NEBL: variants seen among roughly 807,000 people sequenced by gnomAD.
NEBL encodes nebulette.
Under a neutral mutation model 140.2 loss-of-function variants are expected in NEBL, and 122 were observed. The ratio of observed to expected loss-of-function variants is 0.87; its 90% CI spans 0.75 to 1.01. NEBL has a LOEUF of 1.01. Among genes scored for constraint, NEBL ranks in the 50% least tolerant of loss-of-function variants. NEBL has a pLI of 0.00. For missense variants in NEBL, 1,365 were observed against 1,231.3 expected (o/e 1.11, Z -1.62); for synonymous variants, 436 against 398.9 (o/e 1.09, Z -1.11).
intron 4 of NEBL, among the ~76,000 whole-genome samples, chr10:20,948,942 C>A (rs1835308187): frequency 6.6e-6 from 1 of 152,182 alleles, no homozygotes; most frequent in Admixed American, 6.5e-5. Context: ...CTTTCACTAG[C>A]TCTGTCCTCA....
In NEBL at chr10:20,823,257, T is replaced by G; in HGVS notation, c.1913A>C (p.Asp638Ala). 1 of 1,609,926 alleles carries G rather than the reference T, an allele frequency of 6.2e-7. No individual in the cohort carries two copies. Among genetic ancestry groups the G allele is most frequent in the African/African-American group, 1.3e-5 (1 of 74,970 alleles). Reference sequence around the variant, plus strand: ...TTTAACTCTCTTTAGTTCTGGAGGATCAGAAATGGCTGTTGCATGTTTAAT... The same window carrying G: ...TTTAACTCTCTTTAGTTCTGGAGGAGCAGAAATGGCTGTTGCATGTTTAAT... The part of the protein sequence containing the change: ...EEIKHATAIS[D>A]PPELKRVKEN... Residue 638 changes from aspartate to alanine, a missense_variant, in exon 19 of 28, where the codon GAT (aspartate) becomes GCT (alanine). Coordinates refer to ENST00000377122, the MANE Select transcript of NEBL (RefSeq NM_006393.3).
chr10:20,854,069 C>T (rs1025378635), intron 9 of NEBL, among the ~76,000 whole-genome samples: 2 of 152,060 alleles, frequency 1.3e-5, no homozygotes, highest in Non-Finnish European at 2.9e-5. Context: ...ATAATTATTT[C>T]ATGATTTCTA....
chr10:21,015,078 A>G (rs1838500019), intron 3 of NEBL, among the ~76,000 whole-genome samples: 1 of 152,178 alleles, frequency 6.6e-6, no homozygotes, highest in African/African-American at 2.4e-5. Context: ...AATCCCTCTT[A>G]TTTTCAACAT....
chr10:21,171,245 G>A (rs543477469), intron 2 of NEBL, among the ~76,000 whole-genome samples: 1 of 150,324 alleles, frequency 6.7e-6, no homozygotes, highest in South Asian at 2.1e-4. Flanking sequence ...TGAGGCAGAA[G>A]AATCGCTTGA....
chr10:21,258,819 C>T (rs1188110367), intron 1 of NEBL, among the ~76,000 whole-genome samples: 1 of 152,150 alleles, frequency 6.6e-6, no homozygotes, highest in African/African-American at 2.4e-5. Flanking sequence ...GCAGAGGTTG[C>T]AATGAGCCGA....
intron 2 of NEBL, chr10:21,146,653 G>A: frequency 1.7e-6 from 1 of 595,128 alleles, no homozygotes; most frequent in South Asian, 2.3e-5. Flanking sequence ...GACTGATTAT[G>A]AGATGCTCTG....
intron 3 of NEBL, among the ~76,000 whole-genome samples, chr10:20,974,264 T>C (rs1836700693): frequency 6.6e-6 from 1 of 151,658 alleles, no homozygotes; most frequent in African/African-American, 2.4e-5. Flanking sequence ...TTTTTTTTTT[T>C]TTTCTTTTAG....
intron 3 of NEBL, among the ~76,000 whole-genome samples, chr10:21,187,314 T>C (rs369391385): frequency 6.6e-6 from 1 of 152,052 alleles, no homozygotes; most frequent in African/African-American, 2.4e-5. Flanking sequence ...GGCATGAGAA[T>C]GGACTAATAC....
At chr10:21,187,917 T>C (rs1038656191) in intron 3 of NEBL, among the ~76,000 whole-genome samples, 15 of 152,200 alleles carry the variant, frequency 9.9e-5, no homozygotes, top group African/African-American at 2.4e-5. Flanking sequence ...ATCTTCATTG[T>C]GAGAGACTGG....
intron 4 of NEBL, among the ~76,000 whole-genome samples, chr10:20,935,004 A>G (rs1197891419): frequency 6.6e-6 from 1 of 152,218 alleles, no homozygotes; most frequent in East Asian, 1.9e-4. Context: ...GTGCCACACG[A>G]TTTTATTTAT....
chr10:20,896,798 G>A (rs1847535543), intron 2 of NEBL, among the ~76,000 whole-genome samples, 160 bp downstream of exon 2: 1 of 151,912 alleles, frequency 6.6e-6, no homozygotes, highest in South Asian at 2.1e-4. Context: ...GGTGACCTTG[G>A]GGAAATCACT....
At chr10:21,148,360 G>C (rs1018692245) in intron 2 of NEBL, among the ~76,000 whole-genome samples, 2 of 152,170 alleles carry the variant, frequency 1.3e-5, no homozygotes, top group African/African-American at 4.8e-5. Context: ...AAAGTATGTG[G>C]ACTTTGGTCC....
At chr10:20,836,440 C>T (rs1840897784) in intron 13 of NEBL, among the ~76,000 whole-genome samples, 1 of 152,122 alleles carries the variant, frequency 6.6e-6, no homozygotes, top group African/African-American at 2.4e-5. Flanking sequence ...CCAGGCCGGT[C>T]ACGAACTCCT....
intron 4 of NEBL, among the ~76,000 whole-genome samples, chr10:20,903,909 AATT>A (rs1191540412): frequency 1.8e-5 from 2 of 110,834 alleles, no homozygotes; most frequent in Non-Finnish European, 3.4e-5. Flanking sequence ...GATTGGGAAC[AATT>A]ACACTACTCA....
At chr10:21,222,318 G>C (rs2132246133) in intron 3 of NEBL, among the ~76,000 whole-genome samples, 1 of 150,584 alleles carries the variant, frequency 6.6e-6, no homozygotes, top group South Asian at 2.1e-4. Context: ...TTTGAAACTA[G>C]GTTTCAGTTT....
intron 3 of NEBL, among the ~76,000 whole-genome samples, chr10:21,235,207 G>T (rs1270447033): frequency 6.6e-6 from 1 of 152,096 alleles, no homozygotes; most frequent in Non-Finnish European, 1.5e-5. Context: ...GAAGCGGGAG[G>T]ATCACTTGAG....
intron 2 of NEBL, among the ~76,000 whole-genome samples, chr10:21,066,171 C>G (rs1247014047): frequency 6.6e-6 from 1 of 152,162 alleles, no homozygotes; most frequent in East Asian, 1.9e-4. Context: ...ACTCATTAAC[C>G]TCTTCCCTGC....
At chr10:20,827,198 G>A (rs1839961480) in intron 17 of NEBL, among the ~76,000 whole-genome samples, 1 of 152,184 alleles carries the variant, frequency 6.6e-6, no homozygotes, top group East Asian at 1.9e-4. Context: ...GGTAAATGAG[G>A]ATAGAATTAC....
chr10:20,954,154 G>GA (rs967216385), intron 4 of NEBL, among the ~76,000 whole-genome samples: 2 of 151,662 alleles, frequency 1.3e-5, no homozygotes, highest in African/African-American at 2.4e-5. Flanking sequence ...TGACACAATA[G>GA]AAAAAAAATC....
Sources: gnomAD v4.1 joint callset for allele counts (sites outside exome capture counted in the v4.1 genomes callset) on GRCh38, gnomAD v4.1.1 for gene constraint, MANE v1.5 for transcripts, NCBI Gene and HGNC (gene_info 2026-07-23, HGNC 2026-07-21) for gene names.